The following CTNNA2 variants were observed in gnomAD, a reference collection of about 807,000 sequenced individuals.
The protein encoded by CTNNA2 is catenin alpha 2, also known as catenin alpha-2.
In CTNNA2, 42 loss-of-function variants were observed where a neutral mutation model predicts 101.0. The observed-to-expected ratio is 0.42, with a 90% CI of 0.32 to 0.54. The LOEUF (loss-of-function observed/expected upper bound fraction) is 0.54, where lower values mean the gene tolerates loss of function less well. Among genes scored for constraint, CTNNA2 ranks in the 20% least tolerant of loss-of-function variants. The probability of loss-of-function intolerance (pLI) is 0.14; values close to 1 mark genes in which losing one functional copy is unlikely to be tolerated. For synonymous variants in CTNNA2, 450 were observed against 456.4 expected, an observed-to-expected ratio of 0.99 and a Z score of 0.18; for missense variants, 871 against 1,223.1, an observed-to-expected ratio of 0.71 and a Z score of 4.29.
intron 4 of CTNNA2, among the ~76,000 whole-genome samples, chr2:79,397,237 A>G (rs991432839): frequency 6.6e-6 from 1 of 152,164 alleles, no homozygotes; most frequent in African/African-American, 2.4e-5. Flanking sequence ...TATAATTCTC[A>G]TGTAATTATT....
chr2:79,626,475 C>G (rs779542880), intron 1 of CTNNA2, among the ~76,000 whole-genome samples: 3 of 152,120 alleles, frequency 2.0e-5, no homozygotes, highest in Non-Finnish European at 2.9e-5. Context: ...GATAGTAAAG[C>G]CTTTCCAAAC....
At chr2:79,722,716 G>A (rs545327366) in intron 2 of CTNNA2, among the ~76,000 whole-genome samples, 1 of 152,238 alleles carries the variant, frequency 6.6e-6, no homozygotes, top group East Asian at 1.9e-4. Flanking sequence ...TTGCTACAAG[G>A]ACATGAACTA....
intron 2 of CTNNA2, among the ~76,000 whole-genome samples, chr2:79,277,079 G>C (rs1389355994): frequency 6.6e-6 from 1 of 151,974 alleles, no homozygotes; most frequent in Middle Eastern, 3.2e-3. Context: ...AGCCATGGAG[G>C]AGCTGTCTCA....
chr2:80,559,695 C>T (rs1463293014), intron 12 of CTNNA2, among the ~76,000 whole-genome samples: 2 of 151,882 alleles, frequency 1.3e-5, no homozygotes, highest in African/African-American at 4.8e-5. Context: ...TACAGCAGAC[C>T]CATTAAATAC....
At chr2:80,365,810 T>C (rs1302684848) in intron 7 of CTNNA2, among the ~76,000 whole-genome samples, 1 of 152,194 alleles carries the variant, frequency 6.6e-6, no homozygotes. Context: ...GTGTTTGTAA[T>C]GGCATTTATA....
intron 7 of CTNNA2, among the ~76,000 whole-genome samples, chr2:80,107,409 G>A (rs973639951): frequency 1.3e-5 from 2 of 151,850 alleles, no homozygotes; most frequent in African/African-American, 2.4e-5. Context: ...ATTTCAGGGG[G>A]ATGGTTGGCC....
chr2:79,288,254 G>A (rs550115980), intron 2 of CTNNA2, among the ~76,000 whole-genome samples: 12 of 152,246 alleles, frequency 7.9e-5, no homozygotes, highest in East Asian at 3.9e-4. Flanking sequence ...GTTCCTATTC[G>A]GCCATCTTGG....
chr2:80,595,305 C>CG (rs1438892894), intron 15 of CTNNA2, among the ~76,000 whole-genome samples: 1 of 151,814 alleles, frequency 6.6e-6, no homozygotes, highest in African/African-American at 2.4e-5. Flanking sequence ...TTACTAGTGT[C>CG]TAGAAACATT....
intron 7 of CTNNA2, among the ~76,000 whole-genome samples, chr2:80,241,940 A>G (rs1266133475): frequency 6.6e-6 from 1 of 152,198 alleles, no homozygotes; most frequent in Non-Finnish European, 1.5e-5. Context: ...TGTTGATTTA[A>G]TAACTGTCAG....
chr2:80,583,686 T>C (rs1308967754), intron 14 of CTNNA2, among the ~76,000 whole-genome samples: 1 of 152,152 alleles, frequency 6.6e-6, no homozygotes, highest in Non-Finnish European at 1.5e-5. Context: ...CAAAATGGCA[T>C]GAACAGTCCC....
intron 7 of CTNNA2, among the ~76,000 whole-genome samples, chr2:79,955,891 A>G (rs1689190481): frequency 6.6e-6 from 1 of 152,178 alleles, no homozygotes; most frequent in South Asian, 2.1e-4. Context: ...GCCGATGAGT[A>G]TACACCTGCC....
chr2:79,547,385 T>C (rs1258757540), intron 1 of CTNNA2: 4 of 152,292 alleles, frequency 2.6e-5, no homozygotes, highest in Non-Finnish European at 5.9e-5. Flanking sequence ...ACTTCTACAT[T>C]GACAACATTC....
At chr2:79,352,086 G>T (rs1034163251) in intron 3 of CTNNA2, among the ~76,000 whole-genome samples, 5 of 152,100 alleles carry the variant, frequency 3.3e-5, no homozygotes, top group African/African-American at 1.2e-4. Context: ...ATCAGCATTT[G>T]TTATTTTTTG....
intron 3 of CTNNA2, among the ~76,000 whole-genome samples, chr2:79,839,621 G>A (rs1371676052): frequency 1.3e-5 from 2 of 151,392 alleles, no homozygotes; most frequent in Admixed American, 1.3e-4. Context: ...AACTATTTGT[G>A]CTTTTTAAAA....
At chr2:79,284,597 C>G (rs1213961042) in intron 2 of CTNNA2, among the ~76,000 whole-genome samples, 3 of 149,232 alleles carry the variant, frequency 2.0e-5, no homozygotes, top group Admixed American at 6.7e-5. Context: ...GCCTTGCATC[C>G]CAGGGATGAA....
chr2:80,472,755 C>G (rs1344885263), intron 9 of CTNNA2, among the ~76,000 whole-genome samples: 1 of 152,044 alleles, frequency 6.6e-6, no homozygotes, highest in Non-Finnish European at 1.5e-5. Context: ...GCCAGTCAAG[C>G]ACAAGACAGA....
At chr2:79,889,141 T>G (rs898317639) in intron 6 of CTNNA2, among the ~76,000 whole-genome samples, 1 of 152,168 alleles carries the variant, frequency 6.6e-6, no homozygotes, top group Non-Finnish European at 1.5e-5. Context: ...TACTTAAATG[T>G]TCTAAGATTT....
At chr2:80,459,310 A>G (rs972277194) in intron 9 of CTNNA2, among the ~76,000 whole-genome samples, 2 of 152,158 alleles carry the variant, frequency 1.3e-5, no homozygotes, top group East Asian at 3.9e-4. Flanking sequence ...ATGTGCCTCC[A>G]GGCTAAAAAC....
At chr2:79,337,155 A>G (rs970507986) in intron 3 of CTNNA2, among the ~76,000 whole-genome samples, 1 of 152,150 alleles carries the variant, frequency 6.6e-6, no homozygotes, top group Non-Finnish European at 1.5e-5. Flanking sequence ...TTTCCCTCTC[A>G]CAAAGGAGAT....
Sources: allele counts gnomAD v4.1 joint callset (sites outside exome capture counted in the v4.1 genomes callset), GRCh38; gene constraint gnomAD v4.1.1; transcripts MANE v1.5; gene names NCBI Gene and HGNC (gene_info 2026-07-23, HGNC 2026-07-21).